Variants in CENPE observed in about 807,000 individuals in gnomAD.
CENPE encodes the protein centromere-associated protein E.
CENPE carries 145 observed loss-of-function variants against 336.1 expected under a neutral mutation model. That is an observed-to-expected ratio of 0.43 (90% CI 0.38 to 0.50). CENPE has a LOEUF of 0.50. CENPE is among the 20% of genes least tolerant of loss of function. CENPE has a pLI of 0.00. For missense variants in CENPE, 2,719 were observed against 3,023.3 expected (o/e 0.90, Z 2.36); for synonymous variants, 1,013 against 984.8 (o/e 1.03, Z -0.54).
In CENPE at chr4:103,148,808, A is replaced by G. The variant is rs1560630438; in HGVS notation, c.3843+36T>C. On this transcript the variant is annotated intron_variant, in intron 28 of 48. Coordinates refer to ENST00000265148, the MANE Select transcript of CENPE (RefSeq NM_001813.3). Reference sequence around the variant, plus strand: ...TTTCCTTCAAAGGAGAAAGGAAGGAAGAAGTGACAAAGGATGAAAGGAATA... The same window carrying G: ...TTTCCTTCAAAGGAGAAAGGAAGGAGGAAGTGACAAAGGATGAAAGGAATA... The G allele has an allele frequency of 6.3e-6, 10 of 1,577,546 alleles. No homozygotes were observed. The East Asian group carries it at 2.2e-4, about 35-fold the overall frequency.
At position 103,145,889 on chromosome 4, in the gene CENPE, T is replaced by C. The variant is rs1753011718; in HGVS notation, c.4353A>G (p.Gln1451=). The change falls in exon 30 of 49, where the codon CAA becomes CAG. Residue 1451 remains glutamine, a synonymous_variant. Coordinates refer to ENST00000265148, the MANE Select transcript of CENPE (RefSeq NM_001813.3). ...GGTCACTTTCAGATTGAAGAACTTC[T>C]TGCAGCCTCTGTAGGTCATCTTTCT... ...AKEKDDLQRL[Q]EVLQSESDQL... is the part of the protein sequence containing the mutation. 1.2e-6 allele frequency: 2 copies of C among 1,613,600 alleles called. No homozygotes were observed. The highest frequency in any genetic ancestry group is 8.5e-7 in the Non-Finnish European group (1 of 1,179,894).
At position 103,172,956 on chromosome 4, in the gene CENPE, C is replaced by T. The variant is rs774354312; in HGVS notation, c.1647+1780G>A. ...CCCAAAGTGATCCACAGATGTAATG[C>T]GATATCTATCAAAACACCAAAGACA... On this transcript the variant is annotated intron_variant, in intron 16 of 48. Coordinates refer to ENST00000265148, the MANE Select transcript of CENPE (RefSeq NM_001813.3). Among the ~76,000 whole-genome samples the T allele has an allele frequency of 4.0e-5, 6 of 151,820 alleles. No homozygotes were observed. The East Asian group carries it at 7.7e-4, about 20-fold the overall frequency.
intron 47 of CENPE, among the ~76,000 whole-genome samples, chr4:103,110,013 C>T (rs535859497): frequency 8.7e-4 from 133 of 152,282 alleles, no homozygotes; most frequent in East Asian, 1.2e-3. Flanking sequence ...ACTCAAAGCC[C>T]GTGAACATGT....
intron 47 of CENPE, among the ~76,000 whole-genome samples, chr4:103,110,547 A>G (rs767390397): frequency 3.3e-5 from 5 of 152,094 alleles, no homozygotes; most frequent in Admixed American, 6.6e-5. Context: ...GCTTGGGTAT[A>G]TGGACTTGTG....
rs79353434 is a variant in CENPE, at chr4:103,113,848, C to T, written c.7540+607G>A. On this transcript the variant is annotated intron_variant, in intron 46 of 48. Transcript: ENST00000265148. The stretch of plus-strand genomic sequence containing the variant: ...TCTTAGTTCAGTACTTGTTCTACTG[C>T]GTAAAGCTATCTCAAGTACTGTTCA... Among the ~76,000 whole-genome samples the T allele has an allele frequency of 9.2e-5, 14 of 151,382 alleles. No individual in the cohort carries two copies. The East Asian group carries it at 2.3e-3, about 25-fold the overall frequency.
chr4:103,157,664 A>G (rs554743745), intron 24 of CENPE, among the ~76,000 whole-genome samples: 1 of 152,104 alleles, frequency 6.6e-6, no homozygotes, highest in African/African-American at 2.4e-5. Flanking sequence ...TTGTATCACA[A>G]TGTGAATGAA....
chr4:103,158,717 ACTT>A lies in CENPE; in HGVS notation c.2768_2770del (p.Glu923del). On this transcript the variant is annotated inframe_deletion, in exon 23 of 49. Transcript: ENST00000265148. ...ATCTTTTTCTTGAGTTAAAGTTTTT[ACTT>A]CTTCTAAAGTTTGCTGCAGTTTCTC... 1 of 1,612,858 alleles carries A rather than the reference ACTT, an allele frequency of 6.2e-7. No individual in the cohort carries two copies. Among genetic ancestry groups the A allele is most frequent in the Non-Finnish European group, 8.5e-7 (1 of 1,179,356 alleles).
At chr4:103,138,038 A>G (rs1752214326) in intron 39 of CENPE, among the ~76,000 whole-genome samples, 2 of 152,150 alleles carry the variant, frequency 1.3e-5, no homozygotes, top group South Asian at 2.1e-4. Context: ...TGCCTCAGGA[A>G]CTTTGTACTC....
intron 17 of CENPE, 78 bp from the exon 18 acceptor site, chr4:103,163,334 T>A: frequency 7.5e-7 from 1 of 1,330,372 alleles, no homozygotes; most frequent in Non-Finnish European, 1.0e-6. Flanking sequence ...CTTATATATA[T>A]TAGTTTAAAT....
At chr4:103,133,994 ACCTATAT>A in intron 40 of CENPE, 102 bp from the exon 41 acceptor site, 1 of 729,366 alleles carries the variant, frequency 1.4e-6, no homozygotes, top group Non-Finnish European at 2.3e-6. Flanking sequence ...TCTCTTATTT[ACCTATAT>A]CCTCTCACAA....
chr4:103,164,010 G>A (rs1754699699), intron 16 of CENPE, among the ~76,000 whole-genome samples: 1 of 152,038 alleles, frequency 6.6e-6, no homozygotes, highest in African/African-American at 2.4e-5. Flanking sequence ...CTACATTAGT[G>A]TACTTTTTAA....
At position 103,198,266 on chromosome 4, in the gene CENPE, G is replaced by A. The variant is rs1459192263; in HGVS notation, c.54C>T (p.Ser18=). The change falls in exon 1 of 49, where the codon AGC becomes AGT. Residue 18 remains serine, a splice_region_variant and synonymous_variant. Transcript: ENST00000265148. ...AVCVRVRPLN[S]REESLGETAQ... is the part of the protein sequence containing the mutation. ...GGGCCGTGGTGTGGCCCCCCTACCTGCTGTTCAGCGGCCGCACTCGCACGC... is the reference window on the plus strand; with the variant it reads ...GGGCCGTGGTGTGGCCCCCCTACCTACTGTTCAGCGGCCGCACTCGCACGC... 3.9e-6 allele frequency: 6 copies of A among 1,550,570 alleles called. No individual in the cohort carries two copies. Among genetic ancestry groups the A allele is most frequent in the East Asian group, 2.4e-5 (1 of 40,904 alleles).
At chr4:103,196,632 C>G in intron 2 of CENPE, 127 bp downstream of exon 2, 1 of 611,242 alleles carries the variant, frequency 1.6e-6, no homozygotes, top group Middle Eastern at 4.5e-4. Flanking sequence ...AATTTTGTTT[C>G]CAGTGAAGCA....
chr4:103,158,484 T>A (rs1475358076), intron 23 of CENPE, 26 bp from the exon 24 acceptor site: 5 of 1,522,162 alleles, frequency 3.3e-6, no homozygotes. Context: ...ATAAAAACAA[T>A]TTCCATTAGA....
rs752352433 is a variant in CENPE at position 103,158,637 on chromosome 4, C to A, written c.2851G>T (p.Asp951Tyr). 2 of 1,604,182 alleles carry A rather than the reference C, an allele frequency of 1.2e-6. No homozygotes were observed. The highest frequency in any genetic ancestry group is 1.7e-6 in the Non-Finnish European group (2 of 1,177,274). ...LQIERDQLKSDIHDTVNMNID... is the reference protein window; with the variant it reads ...LQIERDQLKSYIHDTVNMNID... ...ACCATGTTAACAGTATCGTGAATAT[C>A]ACTTTTGAGTTGGTCCCTCTCAATT... is the stretch of plus-strand genomic sequence containing the variant. Residue 951 changes from aspartate (D) to tyrosine (Y), a missense_variant, in exon 23 of 49, where the codon GAT becomes TAT. Transcript: ENST00000265148.
intron 24 of CENPE, among the ~76,000 whole-genome samples, chr4:103,157,332 A>G (rs1216240637): frequency 1.3e-5 from 2 of 152,076 alleles, no homozygotes; most frequent in African/African-American, 4.8e-5. Context: ...AATAATGGGT[A>G]GAAGCAACGC....
rs576660508 is a variant in CENPE at position 103,190,105 on chromosome 4, AAGG to A, written c.693+4121_693+4123del. Reference sequence around the variant, plus strand: ...TATAAGGGATGTGAAGGACCTCTTCAAGGAGAACTACAAACCACTGCTCAAGGA... The same window carrying A: ...TATAAGGGATGTGAAGGACCTCTTCAAGAACTACAAACCACTGCTCAAGGA... On this transcript the variant is annotated intron_variant, in intron 8 of 48. Coordinates refer to ENST00000265148, the MANE Select transcript of CENPE (RefSeq NM_001813.3). 4.1e-4 allele frequency among the ~76,000 whole-genome samples: 63 copies of A among 152,306 alleles called. No homozygotes were observed. The East Asian group carries it at 0.012, about 28-fold the overall frequency.
rs140314436 is a variant in CENPE, at chr4:103,159,124, A to G, written c.2487T>C (p.Phe829=). 1 of 1,606,824 alleles carries G rather than the reference A, an allele frequency of 6.2e-7. No individual in the cohort carries two copies. The highest frequency in any genetic ancestry group is 8.5e-7 in the Non-Finnish European group (1 of 1,177,516). ...CAAGGACCATCTTATACTTTTGCTC[A>G]AAGTCCATATGAAGGGTTTTGAAAT... is the stretch of plus-strand genomic sequence containing the variant. ...FQNFKTLHMD[F]EQKYKMVLEE... Residue 829 remains phenylalanine, a synonymous_variant, in exon 22 of 49, where the codon TTT becomes TTC. Coordinates refer to ENST00000265148, the MANE Select transcript of CENPE (RefSeq NM_001813.3).
chr4:103,109,223 AC>A (rs1749175503), intron 47 of CENPE, 134 bp from the exon 48 acceptor site: 1 of 747,812 alleles, frequency 1.3e-6, no homozygotes, highest in South Asian at 3.2e-5. Flanking sequence ...TATCACATTT[AC>A]ATTTTAATTT....
Sources: allele counts gnomAD v4.1 joint callset (sites outside exome capture counted in the v4.1 genomes callset), GRCh38; gene constraint gnomAD v4.1.1; transcripts MANE v1.5; gene names NCBI Gene and HGNC (gene_info 2026-07-23, HGNC 2026-07-21).